ATRNL1: variants seen among roughly 807,000 people sequenced by gnomAD.
ATRNL1 encodes the protein attractin-like protein 1.
A neutral mutation model predicts 182.7 loss-of-function variants in ATRNL1; 95 were observed. The ratio of observed to expected loss-of-function variants is 0.52; its 90% CI spans 0.44 to 0.62. The LOEUF is 0.62. ATRNL1 is among the 20% of genes least tolerant of loss of function. ATRNL1 has a pLI of 0.00. For missense variants in ATRNL1, 1,471 were observed against 1,679.5 expected (o/e 0.88, Z 2.17); for synonymous variants, 576 against 568.3 (o/e 1.01, Z -0.19).
At chr10:115,430,189 A>G (rs1846089982) in intron 21 of ATRNL1, among the ~76,000 whole-genome samples, 1 of 152,238 alleles carries the variant, frequency 6.6e-6, no homozygotes, top group African/African-American at 2.4e-5. Flanking sequence ...TAAAACTTTA[A>G]ATAAAAATTA....
chr10:115,143,580 A>G (rs1275689629), intron 5 of ATRNL1, among the ~76,000 whole-genome samples: 1 of 152,176 alleles, frequency 6.6e-6, no homozygotes, highest in African/African-American at 2.4e-5. Flanking sequence ...CAGAAGTCCA[A>G]TACCAGGGTG....
chr10:115,363,784 C>T (rs868918393), intron 19 of ATRNL1, among the ~76,000 whole-genome samples: 1,611 of 148,930 alleles, frequency 0.011, 13 homozygotes, highest in South Asian at 0.034. Context: ...GAATCCTTTC[C>T]CCATTGCTTG....
chr10:115,738,210 C>T (rs1419889252), intron 27 of ATRNL1, among the ~76,000 whole-genome samples: 12 of 128,162 alleles, frequency 9.4e-5, no homozygotes, highest in Non-Finnish European at 1.9e-4. Flanking sequence ...ACGATCTCGG[C>T]TCACTGCAAC....
intron 19 of ATRNL1, among the ~76,000 whole-genome samples, chr10:115,389,538 G>GTATATATATATATATATA (rs1270489896): frequency 0.023 from 1,188 of 51,356 alleles, 214 homozygotes; most frequent in Non-Finnish European, 0.032. Context: ...AAATGTGTAT[G>GTATATATATATATATATA]TGTATATATA....
intron 9 of ATRNL1, among the ~76,000 whole-genome samples, chr10:115,223,787 A>G (rs1428090312): frequency 6.6e-6 from 1 of 150,882 alleles, no homozygotes; most frequent in African/African-American, 2.4e-5. Context: ...GACCACAGTG[A>G]AATAAAAAGT....
At chr10:115,794,700 G>A (rs1949609515) in intron 27 of ATRNL1, among the ~76,000 whole-genome samples, 2 of 152,042 alleles carry the variant, frequency 1.3e-5, no homozygotes, top group African/African-American at 4.8e-5. Context: ...ATCCTATTGG[G>A]ATGTGCACAA....
intron 28 of ATRNL1, among the ~76,000 whole-genome samples, chr10:115,868,833 T>TTTTTTTTTTTTTC (rs1555105373): frequency 2.0e-5 from 2 of 102,162 alleles, no homozygotes; most frequent in East Asian, 5.0e-4. Flanking sequence ...TTTTTTTTTT[T>TTTTTTTTTTTTTC]TTTTTTTTTT....
intron 23 of ATRNL1, 98 bp from the exon 24 acceptor site, chr10:115,469,074 T>C: frequency 2.4e-6 from 1 of 418,788 alleles, no homozygotes; most frequent in Non-Finnish European, 4.0e-6. Flanking sequence ...ATTTTGATAA[T>C]TATTTTTATA....
At chr10:115,841,017 A>G (rs530419462) in intron 27 of ATRNL1, among the ~76,000 whole-genome samples, 1 of 152,244 alleles carries the variant, frequency 6.6e-6, no homozygotes, top group African/African-American at 2.4e-5. Context: ...GCTGTGGAGA[A>G]AAGTACAGGT....
chr10:115,587,422 A>G (rs1291336443), intron 26 of ATRNL1, among the ~76,000 whole-genome samples: 3 of 151,820 alleles, frequency 2.0e-5, no homozygotes, highest in African/African-American at 4.8e-5. Flanking sequence ...CTCCGTGGGC[A>G]TAGGACCCTC....
In ATRNL1 at chr10:115,226,746, A is replaced by G. The variant is rs562955039; in HGVS notation, c.1532+10866A>G. On this transcript the variant is annotated intron_variant, in intron 9 of 28. Transcript: ENST00000355044. ...AAAAATGGACATGTAAACCAATTGA[A>G]CTAAATAGAAAACTTGAACATAACG... is the stretch of plus-strand genomic sequence containing the variant. Among the ~76,000 whole-genome samples the G allele has an allele frequency of 1.4e-4, 21 of 152,232 alleles. No homozygotes were observed. In the South Asian group the frequency reaches 4.3e-3, roughly 32 times the overall value.
intron 19 of ATRNL1, among the ~76,000 whole-genome samples, chr10:115,336,975 A>T (rs868990326): frequency 5.9e-4 from 11 of 18,532 alleles, no homozygotes; most frequent in South Asian, 4.9e-3. Flanking sequence ...CCTCCCAAGT[A>T]GCTGGGGGGG....
At chr10:115,916,441 A>G (rs1473401373) in intron 28 of ATRNL1, among the ~76,000 whole-genome samples, 2 of 152,224 alleles carry the variant, frequency 1.3e-5, no homozygotes, top group African/African-American at 4.8e-5. Flanking sequence ...TCATGCACCA[A>G]CACAGAGGCA....
Position 115,350,336 on chromosome 10 carries a change from A to C in ATRNL1, c.3175+15917A>C, listed in dbSNP as rs78505678. Among the ~76,000 whole-genome samples the C allele has an allele frequency of 7.7e-3, 619 of 79,996 alleles. 15 individuals are homozygous for C. Among genetic ancestry groups the C allele is most frequent in the African/African-American group, 0.022 (566 of 26,156 alleles). 52.5% of individuals were successfully genotyped at this position (79,996 alleles called of 152,430 possible). On this transcript the variant is annotated intron_variant, in intron 19 of 28. Coordinates refer to ENST00000355044, the MANE Select transcript of ATRNL1 (RefSeq NM_207303.4). ...GGTGACAGAGCAAGACTCTGTCTCA[A>C]AAAAAAAAAGAAAAAAAAAAAAAAA...
At chr10:115,560,466 C>A (rs1337544264) in intron 26 of ATRNL1, among the ~76,000 whole-genome samples, 1 of 152,022 alleles carries the variant, frequency 6.6e-6, no homozygotes, top group African/African-American at 2.4e-5. Flanking sequence ...GGGGACACAG[C>A]AAAACCATAT....
At chr10:115,183,927 AT>A (rs1327509795) in intron 8 of ATRNL1, among the ~76,000 whole-genome samples, 1 of 151,724 alleles carries the variant, frequency 6.6e-6, no homozygotes. Context: ...AAAATTCTAA[AT>A]AAAATGAACA....
chr10:115,802,021 AAC>A (rs60513803), intron 27 of ATRNL1, among the ~76,000 whole-genome samples: 219 of 125,964 alleles, frequency 1.7e-3, no homozygotes, highest in African/African-American at 5.5e-3. Flanking sequence ...AAAAAAAAGA[AAC>A]ACACACACAC....
At chr10:115,902,118 G>A (rs148110676) in intron 28 of ATRNL1, among the ~76,000 whole-genome samples, 30 of 152,138 alleles carry the variant, frequency 2.0e-4, no homozygotes, top group African/African-American at 6.7e-4. Context: ...TCTATCCTTC[G>A]CATCAATGAC....
chr10:115,777,252 G>C (rs1221841659), intron 27 of ATRNL1, among the ~76,000 whole-genome samples: 1 of 152,140 alleles, frequency 6.6e-6, no homozygotes, highest in Non-Finnish European at 1.5e-5. Context: ...TTGACACCTA[G>C]TAAACATTCA....
Sources: allele counts gnomAD v4.1 joint callset (sites outside exome capture counted in the v4.1 genomes callset), GRCh38; gene constraint gnomAD v4.1.1; transcripts MANE v1.5; gene names NCBI Gene and HGNC (gene_info 2026-07-23, HGNC 2026-07-21).